Variants in SLC6A11 observed in about 807,000 individuals in gnomAD.
SLC6A11 encodes solute carrier family 6 member 11.
A neutral mutation model predicts 74.8 loss-of-function variants in SLC6A11; 25 were observed. The ratio of observed to expected loss-of-function variants is 0.33; its 90% confidence interval spans 0.24 to 0.47. SLC6A11 has a LOEUF of 0.47. Among genes scored for constraint, SLC6A11 ranks in the 20% least tolerant of loss-of-function variants. SLC6A11 has a pLI of 1.00. For synonymous variants in SLC6A11, 330 were observed against 330.2 expected (o/e 1.00, Z 0.01); for missense variants, 574 against 837.0 (o/e 0.69, Z 3.88).
At position 10,816,278 on chromosome 3, in the gene SLC6A11, A is replaced by C. The variant is rs1694054226; in HGVS notation, c.13A>C (p.Lys5Gln). 1 of 1,349,232 alleles carries C rather than the reference A, an allele frequency of 7.4e-7. No individual in the cohort carries two copies. Among genetic ancestry groups the C allele is most frequent in the African/African-American group, 1.5e-5 (1 of 64,634 alleles). 83.6% of individuals were successfully genotyped at this position (1,349,232 alleles called of 1,614,324 possible). A position where few individuals can be genotyped will look rare whatever the true frequency, so the allele number is the denominator to read the frequency against. MTAE[K>Q]ALPLGNGKAA... ...AGCCAGCGCGGCCATGACGGCGGAG[A>C]AGGCGCTGCCCCTGGGCAATGGGAA... Residue 5 changes from lysine to glutamine, a missense_variant, in exon 1 of 14, where the codon AAG becomes CAG. Transcript: ENST00000254488. The surrounding 1 kb of genome is among the most constrained non-coding windows in gnomAD (Gnocchi z 4.2).
rs183462300 is a variant in SLC6A11 at position 10,899,896 on chromosome 3, C to G, written c.892-12194C>G. Among the ~76,000 whole-genome samples, 138 of 152,260 alleles carry G rather than the reference C, an allele frequency of 9.1e-4. 1 individual carries two copies. The Middle Eastern group carries it at 0.027, about 30-fold the overall frequency. On this transcript the variant is annotated intron_variant, in intron 6 of 13. Coordinates refer to ENST00000254488, the MANE Select transcript of SLC6A11 (RefSeq NM_014229.3). ...CCCATGGAAAATGGGCTCAGCTGAC[C>G]CAAAACCATAACCCTGTTATAAAGC...
chr3:10,880,969 C>T (rs555729913), intron 6 of SLC6A11, among the ~76,000 whole-genome samples: 103 of 152,260 alleles, frequency 6.8e-4, no homozygotes, highest in African/African-American at 2.4e-3. Context: ...GGTTCCCTCC[C>T]TAGAAGAAGA....
At chr3:10,853,757 G>A (rs1559560788) in intron 5 of SLC6A11, among the ~76,000 whole-genome samples, 1 of 152,234 alleles carries the variant, frequency 6.6e-6, no homozygotes, top group Non-Finnish European at 1.5e-5. Flanking sequence ...GACCATGGAT[G>A]TGAATCACAT....
At position 10,929,232 on chromosome 3, in the gene SLC6A11, G is replaced by A. The variant is rs374491666; in HGVS notation, c.1264G>A (p.Val422Met). 9.9e-5 allele frequency: 159 copies of A among 1,614,154 alleles called. 3 individuals are homozygous for A. The South Asian group carries it at 1.3e-3, about 13-fold the overall frequency. ...GTGTGTGGAAAGCCTGGTGACCGCCGTGGTGGACATGTACCCCAAGGTTTT... is the reference window on the plus strand; with the variant it reads ...GTGTGTGGAAAGCCTGGTGACCGCCATGGTGGACATGTACCCCAAGGTTTT... Reference protein sequence around the residue: ...FVCVESLVTAVVDMYPKVFRR... With the variant: ...FVCVESLVTAMVDMYPKVFRR... Residue 422 changes from valine (V) to methionine (M), a missense_variant, in exon 10 of 14, where the codon GTG becomes ATG. By Grantham distance (21) the Val-to-Met change is conservative. Around this residue, in one of 4 missense-constraint regions of SLC6A11, gnomAD observed 257 missense variants for 341.5 expected, o/e 0.75. Transcript: ENST00000254488.
Position 10,926,126 on chromosome 3 carries a change from C to T in SLC6A11, c.1233+10C>T, listed in dbSNP as rs1695602502. 3.2e-6 allele frequency: 5 copies of T among 1,577,470 alleles called. No homozygotes were observed. The highest frequency in any genetic ancestry group is 3.5e-6 in the Non-Finnish European group (4 of 1,148,238). Reference sequence around the variant, plus strand: ...GGGCCTGGACAGCCAGGTAAGGGGCCATGGGGATGGGGAGCCCAGGAGGGA... The same window carrying T: ...GGGCCTGGACAGCCAGGTAAGGGGCTATGGGGATGGGGAGCCCAGGAGGGA... On this transcript the variant is annotated intron_variant, in intron 9 of 13. Coordinates refer to ENST00000254488, the MANE Select transcript of SLC6A11 (RefSeq NM_014229.3). This position sits in a 1 kb window ranked among gnomAD's most constrained non-coding sequence, Gnocchi z 5.7.
In SLC6A11 at chr3:10,889,178, C is replaced by G. The variant is rs1695079376; in HGVS notation, c.891+14083C>G. 2.6e-5 allele frequency among the ~76,000 whole-genome samples: 4 copies of G among 152,172 alleles called. No individual in the cohort carries two copies. In the South Asian group the frequency reaches 8.3e-4, roughly 32 times the overall value. ...GGTACAGAAAGCTCCCATATACACC[C>G]CACACCTCCTCCCAACACCCATTTC... On this transcript the variant is annotated intron_variant, in intron 6 of 13. Transcript: ENST00000254488.
chr3:10,866,898 TC>T (rs1694769367), intron 5 of SLC6A11, among the ~76,000 whole-genome samples: 1 of 152,256 alleles, frequency 6.6e-6, no homozygotes, highest in Non-Finnish European at 1.5e-5. Flanking sequence ...TGCATTTTAT[TC>T]CCAAAGATAA....
Position 10,870,546 on chromosome 3 carries a change from T to C in SLC6A11, c.757-4415T>C, listed in dbSNP as rs980318598. Among the ~76,000 whole-genome samples, 11 of 152,334 alleles carry C rather than the reference T, an allele frequency of 7.2e-5. No individual in the cohort carries two copies. The East Asian group carries it at 2.1e-3, about 29-fold the overall frequency. On this transcript the variant is annotated intron_variant, in intron 5 of 13. Transcript: ENST00000254488. ...ATGTGTGTCACTTATGTGCAGTCTC[T>C]TGATGACAAGAATCTGTATGGTTTT...
intron 5 of SLC6A11, among the ~76,000 whole-genome samples, chr3:10,859,029 G>A (rs1162930548): frequency 6.6e-6 from 1 of 152,198 alleles, no homozygotes; most frequent in African/African-American, 2.4e-5. Context: ...TTGTAGACAA[G>A]CCTAGTAAGA....
chr3:10,924,400 C>T (rs1310365461), intron 8 of SLC6A11, among the ~76,000 whole-genome samples: 14 of 151,876 alleles, frequency 9.2e-5, no homozygotes, highest in Non-Finnish European at 1.8e-4. Context: ...AGTCAAAAAT[C>T]CTAAGGAACC....
intron 8 of SLC6A11, among the ~76,000 whole-genome samples, chr3:10,924,039 A>G (rs530070868): frequency 6.6e-6 from 1 of 152,204 alleles, no homozygotes; most frequent in Non-Finnish European, 1.5e-5. Flanking sequence ...CAAAGACCAA[A>G]AAAAGACTAA....
Position 10,933,162 on chromosome 3 carries a change from C to T in SLC6A11, c.1383C>T (p.Tyr461=). Residue 461 remains tyrosine, a synonymous_variant, in exon 11 of 14, where the codon TAC becomes TAT. Coordinates refer to ENST00000254488, the MANE Select transcript of SLC6A11 (RefSeq NM_014229.3). The part of the protein sequence containing the change: ...GLVMLTEGGM[Y]IFQLFDSYAA... ...TCCCCGACCTGCAGGGTGGCATGTA[C>T]ATCTTCCAGCTCTTTGACTCCTATG... 1 of 1,613,648 alleles carries T rather than the reference C, an allele frequency of 6.2e-7. No individual in the cohort carries two copies. Among genetic ancestry groups the T allele is most frequent in the Non-Finnish European group, 8.5e-7 (1 of 1,179,562 alleles).
intron 8 of SLC6A11, 150 bp from the exon 9 acceptor site, chr3:10,925,854 A>G: frequency 3.1e-6 from 2 of 649,636 alleles, no homozygotes; most frequent in South Asian, 1.8e-5. Context: ...CACCAAACGC[A>G]TGGGGTGGCT....
intron 8 of SLC6A11, among the ~76,000 whole-genome samples, chr3:10,922,399 T>G (rs1403311520): frequency 5.9e-5 from 9 of 152,096 alleles, no homozygotes; most frequent in Non-Finnish European, 1.5e-5. Context: ...AATTGAGGAG[T>G]ACTTTTTGAA....
intron 6 of SLC6A11, among the ~76,000 whole-genome samples, chr3:10,878,375 C>T (rs984266076): frequency 2.0e-5 from 3 of 151,534 alleles, no homozygotes; most frequent in Non-Finnish European, 4.4e-5. Flanking sequence ...TGTCCTTCCC[C>T]AACTTGACTG....
At chr3:10,878,960 A>G (rs1694943879) in intron 6 of SLC6A11, among the ~76,000 whole-genome samples, 1 of 152,140 alleles carries the variant, frequency 6.6e-6, no homozygotes, top group Non-Finnish European at 1.5e-5. Flanking sequence ...GTAGGCATTG[A>G]CAGTTTTCCA....
At position 10,825,892 on chromosome 3, in the gene SLC6A11, A is replaced by G. The variant is rs553803584; in HGVS notation, c.623+2500A>G. Among the ~76,000 whole-genome samples, 10 of 152,274 alleles carry G rather than the reference A, an allele frequency of 6.6e-5. No homozygotes were observed. In the East Asian group the frequency reaches 1.5e-3, roughly 23 times the overall value. On this transcript the variant is annotated intron_variant, in intron 4 of 13. Transcript: ENST00000254488. Reference sequence around the variant, plus strand: ...TTCTGTTCCACTGGTCTCTTTGTCTATCTCTGTGCCCATACCACACCTATA... The same window carrying G: ...TTCTGTTCCACTGGTCTCTTTGTCTGTCTCTGTGCCCATACCACACCTATA...
rs144769337 is a variant in SLC6A11, at chr3:10,902,288, G to C, written c.892-9802G>C. 1.5e-3 allele frequency among the ~76,000 whole-genome samples: 230 copies of C among 152,372 alleles called. 1 individual carries two copies. The highest frequency in any genetic ancestry group is 5.3e-3 in the African/African-American group (219 of 41,596). On this transcript the variant is annotated intron_variant, in intron 6 of 13. Coordinates refer to ENST00000254488, the MANE Select transcript of SLC6A11 (RefSeq NM_014229.3). ...CGCTGGAACAGCAAGGAGCCTAGGA[G>C]GGATGAAGTGTTGGTTCTTCCCATC...
intron 8 of SLC6A11, among the ~76,000 whole-genome samples, chr3:10,920,454 A>G (rs1018267909): frequency 1.3e-5 from 2 of 152,218 alleles, no homozygotes; most frequent in Admixed American, 6.5e-5. Flanking sequence ...ATAATAAAGC[A>G]TGAGGAGCTT....
Sources: gnomAD v4.1 joint callset for allele counts (sites outside exome capture counted in the v4.1 genomes callset) on GRCh38, gnomAD v4.1.1 for gene constraint, gnomAD v4.1.1 regional missense constraint, Gnocchi (gnomAD v3.1) non-coding constraint, MANE v1.5 for transcripts, NCBI Gene and HGNC (gene_info 2026-07-23, HGNC 2026-07-21) for gene names.